Variants in SCAPER observed in about 807,000 individuals in gnomAD.
SCAPER encodes S phase cyclin A-associated protein in the endoplasmic reticulum.
SCAPER carries 98 observed loss-of-function variants against 182.2 expected under a neutral mutation model. The ratio of observed to expected loss-of-function variants is 0.54; its 90% CI spans 0.46 to 0.64. The LOEUF is 0.64. Ranked by LOEUF, SCAPER falls within the 30% of genes least tolerant of loss-of-function variation. SCAPER has a pLI of 0.00. For synonymous variants in SCAPER, 605 were observed against 564.6 expected (o/e 1.07, Z -1.01); for missense variants, 1,432 against 1,690.0 (o/e 0.85, Z 2.68).
intron 23 of SCAPER, among the ~76,000 whole-genome samples, chr15:76,533,778 G>C (rs2144598735): frequency 6.6e-6 from 1 of 152,082 alleles, no homozygotes; most frequent in South Asian, 2.1e-4. Context: ...TGCAAGTAAA[G>C]GGCTACTCCT....
intron 23 of SCAPER, among the ~76,000 whole-genome samples, chr15:76,572,897 T>G (rs1024891340): frequency 8.6e-6 from 1 of 115,734 alleles, no homozygotes; most frequent in African/African-American, 3.7e-5. Context: ...GCACTCTCTC[T>G]CTCTCTCTCT....
intron 22 of SCAPER, among the ~76,000 whole-genome samples, chr15:76,607,523 T>G (rs534228400): frequency 2.0e-4 from 31 of 152,318 alleles, no homozygotes; most frequent in African/African-American, 7.5e-4. Context: ...AGGATTATCT[T>G]TGTGGCATTC....
At chr15:76,481,059 A>G (rs1339549553) in intron 24 of SCAPER, among the ~76,000 whole-genome samples, 2 of 152,164 alleles carry the variant, frequency 1.3e-5, no homozygotes, top group African/African-American at 4.8e-5. Flanking sequence ...TGCTGATTTG[A>G]TCATGAACAT....
chr15:76,592,195 A>G (rs1027464118), intron 22 of SCAPER, among the ~76,000 whole-genome samples: 1 of 151,886 alleles, frequency 6.6e-6, no homozygotes, highest in African/African-American at 2.4e-5. Flanking sequence ...AAAAATAGGT[A>G]ATACTTAGGA....
intron 8 of SCAPER, among the ~76,000 whole-genome samples, chr15:76,779,127 C>G (rs562837128): frequency 1.3e-4 from 20 of 151,938 alleles, no homozygotes; most frequent in African/African-American, 4.8e-4. Flanking sequence ...AAAACAGCAA[C>G]TGACAGAACT....
chr15:76,809,291 A>C (rs1250545790), intron 5 of SCAPER, among the ~76,000 whole-genome samples: 1 of 152,210 alleles, frequency 6.6e-6, no homozygotes. Flanking sequence ...AACTGATCCT[A>C]ATGAACTGCC....
intron 14 of SCAPER, among the ~76,000 whole-genome samples, chr15:76,762,124 A>G (rs1467782883): frequency 6.6e-6 from 1 of 152,146 alleles, no homozygotes; most frequent in Non-Finnish European, 1.5e-5. Context: ...ATTTACATGG[A>G]ATAAGATATT....
intron 1 of SCAPER, among the ~76,000 whole-genome samples, chr15:76,884,086 A>G (rs1250041689): frequency 1.3e-5 from 2 of 152,204 alleles, no homozygotes; most frequent in Admixed American, 6.5e-5. Context: ...TAAAAATAAA[A>G]TGGAAAAGAA....
rs910140489 is a variant in SCAPER at position 76,601,549 on chromosome 15, C to T, written c.2711+20215G>A. 4.1e-5 allele frequency among the ~76,000 whole-genome samples: 5 copies of T among 121,248 alleles called. 1 individual carries two copies. The highest frequency in any genetic ancestry group is 1.3e-4 in the African/African-American group (5 of 39,734). 79.5% of individuals were successfully genotyped at this position (121,248 alleles called of 152,430 possible). ...AGCTTAAATGTATAGTAGGCTACAC[C>T]ATCTGGGTTTGTGTATGTATACTCT... On this transcript the variant is annotated intron_variant, in intron 22 of 31. Transcript: ENST00000563290.
rs1381820433 is a variant in SCAPER, at chr15:76,471,354, C to T, written c.2955-19G>A. On this transcript the variant is annotated intron_variant, in intron 24 of 31. Transcript: ENST00000563290. ...GAGAGACCTAAAAGAAGGAGAAAAACACCATTTATAAAACCCGAGCAGCTC... is the reference window on the plus strand; with the variant it reads ...GAGAGACCTAAAAGAAGGAGAAAAATACCATTTATAAAACCCGAGCAGCTC... The T allele has an allele frequency of 6.3e-7, 1 of 1,589,658 alleles. No homozygotes were observed. Among genetic ancestry groups the T allele is most frequent in the African/African-American group, 1.4e-5 (1 of 73,742 alleles).
intron 29 of SCAPER, among the ~76,000 whole-genome samples, chr15:76,364,804 C>A (rs1356285431): frequency 6.6e-6 from 1 of 151,898 alleles, no homozygotes; most frequent in African/African-American, 2.4e-5. Context: ...CTGCTTGTAA[C>A]ACTTAGGGGC....
At chr15:76,421,474 T>C (rs996254409) in intron 26 of SCAPER, among the ~76,000 whole-genome samples, 1 of 152,232 alleles carries the variant, frequency 6.6e-6, no homozygotes, top group Non-Finnish European at 1.5e-5. Context: ...GGTTGTTTGT[T>C]TTTTTCTTGT....
At chr15:76,583,489 C>A (rs1179925634) in intron 22 of SCAPER, among the ~76,000 whole-genome samples, 2 of 152,068 alleles carry the variant, frequency 1.3e-5, no homozygotes, top group Non-Finnish European at 2.9e-5. Flanking sequence ...AAACAACCCA[C>A]AGAATGGGAG....
At chr15:76,395,838 G>T (rs2044012414) in intron 27 of SCAPER, among the ~76,000 whole-genome samples, 1 of 152,132 alleles carries the variant, frequency 6.6e-6, no homozygotes, top group East Asian at 1.9e-4. Flanking sequence ...CTGTGCAGGA[G>T]CTTAACTTGA....
At chr15:76,895,941 G>A (rs1049281510) in intron 1 of SCAPER, among the ~76,000 whole-genome samples, 1 of 151,874 alleles carries the variant, frequency 6.6e-6, no homozygotes, top group Non-Finnish European at 1.5e-5. Flanking sequence ...TTGGGAAGCT[G>A]AGGCAGGAGA....
chr15:76,815,658 C>G lies in SCAPER; in HGVS notation c.394-11025G>C, dbSNP rs113451603. On this transcript the variant is annotated intron_variant, in intron 5 of 31. Transcript: ENST00000563290. ...GTAAACATTACCACCTGAGCTCCAC[C>G]TCCTGTCAGATCAGGAGCAGCATTA... Among the ~76,000 whole-genome samples, 1,012 of 152,310 alleles carry G rather than the reference C, an allele frequency of 6.6e-3. 13 individuals carry two copies. Among genetic ancestry groups the G allele is most frequent in the African/African-American group, 0.023 (966 of 41,576 alleles).
intron 10 of SCAPER, among the ~76,000 whole-genome samples, chr15:76,768,214 A>T (rs2063224158): frequency 6.6e-6 from 1 of 152,168 alleles, no homozygotes; most frequent in African/African-American, 2.4e-5. Context: ...TATCCAGGAG[A>T]AATAAAAAAT....
At chr15:76,465,499 A>T (rs1003775257) in intron 25 of SCAPER, among the ~76,000 whole-genome samples, 1 of 152,104 alleles carries the variant, frequency 6.6e-6, no homozygotes, top group African/African-American at 2.4e-5. Flanking sequence ...ACGGTTTACA[A>T]ATATTTTCTT....
chr15:76,869,970 T>C (rs138450134), intron 2 of SCAPER, among the ~76,000 whole-genome samples: 2 of 152,288 alleles, frequency 1.3e-5, no homozygotes, highest in Non-Finnish European at 2.9e-5. Flanking sequence ...GAGGTCATTA[T>C]GTTAAGTGAA....
Sources: allele counts gnomAD v4.1 joint callset (sites outside exome capture counted in the v4.1 genomes callset), GRCh38; gene constraint gnomAD v4.1.1; transcripts MANE v1.5; gene names NCBI Gene and HGNC (gene_info 2026-07-23, HGNC 2026-07-21).